Variants in OXR1 observed in about 807,000 individuals in gnomAD.
OXR1 encodes the protein oxidation resistance 1.
In OXR1, 41 loss-of-function variants were observed where a neutral mutation model predicts 104.6. That is an observed-to-expected ratio of 0.39 (90% CI 0.31 to 0.51). OXR1 has a LOEUF of 0.51. OXR1 is among the 20% of genes least tolerant of loss of function. The pLI is 0.77. For missense variants in OXR1, 955 were observed against 1,031.9 expected (o/e 0.93, Z 1.02); for synonymous variants, 348 against 348.4 (o/e 1.00, Z 0.01).
chr8:106,372,527 A>G (rs1481325343), intron 2 of OXR1, among the ~76,000 whole-genome samples: 1 of 152,226 alleles, frequency 6.6e-6, no homozygotes, highest in Non-Finnish European at 1.5e-5. Context: ...GAAATGCTCC[A>G]AAATCTCAAA....
intron 9 of OXR1, among the ~76,000 whole-genome samples, chr8:106,710,213 G>GT (rs1456339703): frequency 6.6e-6 from 1 of 152,032 alleles, no homozygotes; most frequent in Non-Finnish European, 1.5e-5. Flanking sequence ...AAACAACCAT[G>GT]TTAAGTATAC....
chr8:106,409,548 G>T (rs1266242156), intron 2 of OXR1, among the ~76,000 whole-genome samples: 1 of 152,126 alleles, frequency 6.6e-6, no homozygotes, highest in Non-Finnish European at 1.5e-5. Flanking sequence ...CAAAGCCAAT[G>T]AAATTGTAAA....
At chr8:106,454,017 G>T (rs1297912751) in intron 2 of OXR1, among the ~76,000 whole-genome samples, 1 of 152,088 alleles carries the variant, frequency 6.6e-6, no homozygotes, top group Non-Finnish European at 1.5e-5. Flanking sequence ...CAGGAAAAAA[G>T]ATTTTATTAT....
chr8:106,704,682 G>C (rs1451698395), intron 8 of OXR1, among the ~76,000 whole-genome samples: 1 of 151,972 alleles, frequency 6.6e-6, no homozygotes, highest in East Asian at 1.9e-4. Flanking sequence ...ATAGGTGTGA[G>C]CCACGATGCC....
intron 3 of OXR1, chr8:106,658,274 C>A (rs868780912): frequency 8.2e-7 from 1 of 1,216,856 alleles, no homozygotes; most frequent in African/African-American, 1.6e-5. Flanking sequence ...GCGGGGGTCG[C>A]TGCCCGGCTC....
At chr8:106,382,691 T>TG in intron 2 of OXR1, among the ~76,000 whole-genome samples, 1 of 145,564 alleles carries the variant, frequency 6.9e-6, no homozygotes, top group South Asian at 2.2e-4. Context: ...GGTTTTTTTT[T>TG]TTTTTTTTTT....
At chr8:106,625,541 A>AT (rs968778177) in intron 3 of OXR1, among the ~76,000 whole-genome samples, 1 of 152,218 alleles carries the variant, frequency 6.6e-6, no homozygotes, top group Non-Finnish European at 1.5e-5. Flanking sequence ...GTTTAGCCAC[A>AT]TTTTTTATTC....
chr8:106,288,968 G>C (rs1474588591), intron 1 of OXR1, among the ~76,000 whole-genome samples: 1 of 151,924 alleles, frequency 6.6e-6, no homozygotes, highest in Non-Finnish European at 1.5e-5. Flanking sequence ...AGAAATCCTT[G>C]TTTTCACAGA....
intron 8 of OXR1, among the ~76,000 whole-genome samples, chr8:106,704,240 G>A (rs1026352311): frequency 6.6e-6 from 1 of 151,760 alleles, no homozygotes; most frequent in Non-Finnish European, 1.5e-5. Context: ...ATTGGGAGGT[G>A]GATAATGGGA....
At chr8:106,741,612 C>T (rs1459681743) in intron 14 of OXR1, among the ~76,000 whole-genome samples, 1 of 152,104 alleles carries the variant, frequency 6.6e-6, no homozygotes, top group Non-Finnish European at 1.5e-5. Context: ...GATTATCTGT[C>T]AGACTCTCTG....
intron 3 of OXR1, among the ~76,000 whole-genome samples, chr8:106,666,231 C>G (rs1826313537): frequency 6.6e-6 from 1 of 152,098 alleles, no homozygotes; most frequent in African/African-American, 2.4e-5. Flanking sequence ...ATAGTTACGA[C>G]TCTCTGTTTT....
intron 1 of OXR1, among the ~76,000 whole-genome samples, chr8:106,279,019 A>G (rs1337510789): frequency 6.6e-6 from 1 of 152,150 alleles, no homozygotes; most frequent in Non-Finnish European, 1.5e-5. Flanking sequence ...AACCACAGAA[A>G]TGAACCAGAC....
At chr8:106,537,449 G>A (rs752440659) in intron 3 of OXR1, among the ~76,000 whole-genome samples, 17 of 152,046 alleles carry the variant, frequency 1.1e-4, no homozygotes, top group Non-Finnish European at 1.8e-4. Flanking sequence ...AATTTAGGAA[G>A]AATAAAGCAT....
intron 1 of OXR1, among the ~76,000 whole-genome samples, chr8:106,353,037 T>A (rs1815801503): frequency 6.6e-6 from 1 of 152,216 alleles, no homozygotes; most frequent in South Asian, 2.1e-4. Context: ...CCTTGTTTAT[T>A]TTGTGCCTCA....
At chr8:106,672,516 A>C (rs200861943) in intron 3 of OXR1, among the ~76,000 whole-genome samples, 1 of 146,030 alleles carries the variant, frequency 6.8e-6, no homozygotes, top group Non-Finnish European at 1.5e-5. Flanking sequence ...GAAAGAAAGA[A>C]AGAGAGAGAG....
chr8:106,546,811 T>C (rs75436567), intron 3 of OXR1, among the ~76,000 whole-genome samples: 3,569 of 152,310 alleles, frequency 0.023, 144 homozygotes, highest in African/African-American at 0.082. Flanking sequence ...TCAACTTAAT[T>C]TTCTCCTTTT....
intron 3 of OXR1, among the ~76,000 whole-genome samples, chr8:106,672,486 AAGAAAGAAAGAAAGAGAG>A (rs369290086): frequency 8.0e-6 from 1 of 125,230 alleles, no homozygotes; most frequent in East Asian, 2.2e-4. Context: ...GACTCCATCA[AAGAAAGAAAGAAAGAGAG>A]AGAAAGAAAG....
intron 3 of OXR1, among the ~76,000 whole-genome samples, chr8:106,654,091 C>T (rs1366432498): frequency 6.6e-6 from 1 of 152,026 alleles, no homozygotes; most frequent in Non-Finnish European, 1.5e-5. Flanking sequence ...GAAAGACATC[C>T]TTTTGTTTAT....
chr8:106,407,766 C>A (rs965291450), intron 2 of OXR1, among the ~76,000 whole-genome samples: 1 of 152,112 alleles, frequency 6.6e-6, no homozygotes, highest in Non-Finnish European at 1.5e-5. Context: ...CAGTACTAAC[C>A]CTGAATGTGC....
Sources: gnomAD v4.1 joint callset for allele counts (sites outside exome capture counted in the v4.1 genomes callset) on GRCh38, gnomAD v4.1.1 for gene constraint, MANE v1.5 for transcripts, NCBI Gene and HGNC (gene_info 2026-07-23, HGNC 2026-07-21) for gene names.